VAV3: variants seen among roughly 807,000 people sequenced by gnomAD.
VAV3 encodes vav guanine nucleotide exchange factor 3.
In VAV3, 94 loss-of-function variants were observed where a neutral mutation model predicts 131.2. The observed-to-expected ratio is 0.72, with a 90% confidence interval of 0.61 to 0.85. The LOEUF (loss-of-function observed/expected upper bound fraction) is 0.85. Ranked by LOEUF, VAV3 falls within the 40% of genes least tolerant of loss-of-function variation. The probability of loss-of-function intolerance (pLI) is 0.00; values close to 1 mark genes in which losing one functional copy is unlikely to be tolerated. For synonymous variants in VAV3, 349 were observed against 342.0 expected, an observed-to-expected ratio of 1.02 and a Z score of -0.22; for missense variants, 939 against 1,002.7, an observed-to-expected ratio of 0.94 and a Z score of 0.86.
At chr1:107,932,092 C>T (rs1168479932) in intron 1 of VAV3, among the ~76,000 whole-genome samples, 2 of 152,220 alleles carry the variant, frequency 1.3e-5, no homozygotes, top group East Asian at 1.9e-4. Flanking sequence ...GGTGCCCACA[C>T]TTGTGTTTTC....
chr1:107,743,325 A>C (rs954010235), intron 15 of VAV3, among the ~76,000 whole-genome samples: 1 of 152,082 alleles, frequency 6.6e-6, no homozygotes, highest in Non-Finnish European at 1.5e-5. Context: ...GGCAAGGGAG[A>C]GTTCAGGCAG....
intron 1 of VAV3, among the ~76,000 whole-genome samples, chr1:107,937,670 C>A (rs1339732983): frequency 6.6e-6 from 1 of 152,040 alleles, no homozygotes; most frequent in Non-Finnish European, 1.5e-5. Context: ...GTCATTACAG[C>A]CAAAAAGCCC....
At chr1:107,761,392 CAAA>C (rs35391183) in intron 9 of VAV3, among the ~76,000 whole-genome samples, 9 of 102,488 alleles carry the variant, frequency 8.8e-5, no homozygotes, top group Non-Finnish European at 1.0e-4. Flanking sequence ...GACTCCGTCT[CAAA>C]AAAAAAAAAA....
intron 2 of VAV3, among the ~76,000 whole-genome samples, chr1:107,794,231 C>A (rs1381306065): frequency 6.6e-6 from 1 of 152,182 alleles, no homozygotes; most frequent in Non-Finnish European, 1.5e-5. Flanking sequence ...CTGGGCTGGC[C>A]CAGGAGTAGC....
At chr1:107,930,335 A>T (rs77068826) in intron 1 of VAV3, among the ~76,000 whole-genome samples, 24 of 152,210 alleles carry the variant, frequency 1.6e-4, no homozygotes, top group African/African-American at 5.8e-4. Context: ...AAACTAAAAA[A>T]TTTTTTTAAA....
intron 2 of VAV3, among the ~76,000 whole-genome samples, chr1:107,857,729 A>G (rs2100975174): frequency 6.6e-6 from 1 of 152,294 alleles, no homozygotes; most frequent in African/African-American, 2.4e-5. Context: ...GGGGGAAGTT[A>G]TCGACTGACT....
intron 1 of VAV3, among the ~76,000 whole-genome samples, chr1:107,910,995 A>G (rs890186986): frequency 6.6e-6 from 1 of 151,856 alleles, no homozygotes; most frequent in Non-Finnish European, 1.5e-5. Context: ...TTAAAAGAAA[A>G]AAAAAAGAAA....
chr1:107,770,675 T>A lies in VAV3; in HGVS notation c.609A>T (p.Thr203=), dbSNP rs760863760. ...CCAAAGTTTCTGTATATTTTTCTTC[T>A]GTCTGCTTAATTTCTGCTAGACAAC... is the stretch of plus-strand genomic sequence containing the variant. ...RSCCLAEIKQ[T]EEKYTETLES... The change falls in exon 6 of 27, where the codon ACA becomes ACT. Residue 203 remains threonine, a synonymous_variant. Coordinates refer to ENST00000370056, the MANE Select transcript of VAV3 (RefSeq NM_006113.5). 6.2e-7 allele frequency: 1 copy of A among 1,612,534 alleles called. No homozygotes were observed. Among genetic ancestry groups the A allele is most frequent in the Non-Finnish European group, 8.5e-7 (1 of 1,179,346 alleles).
intron 2 of VAV3, among the ~76,000 whole-genome samples, chr1:107,850,948 A>T (rs555330199): frequency 6.6e-6 from 1 of 152,058 alleles, no homozygotes; most frequent in Non-Finnish European, 1.5e-5. Flanking sequence ...ATTGCCCTCC[A>T]CAGCAACAGA....
At chr1:107,914,114 CTTA>C (rs1271794826) in intron 1 of VAV3, among the ~76,000 whole-genome samples, 1 of 152,124 alleles carries the variant, frequency 6.6e-6, no homozygotes, top group African/African-American at 2.4e-5. Context: ...CTGCAAATGT[CTTA>C]TTGTTTATAT....
intron 1 of VAV3, among the ~76,000 whole-genome samples, chr1:107,934,434 C>T (rs1218455349): frequency 6.6e-6 from 1 of 152,190 alleles, no homozygotes; most frequent in African/African-American, 2.4e-5. Flanking sequence ...CAGAACAAAA[C>T]AGGCTATGTG....
At chr1:107,574,234 C>T (rs374439941) in intron 25 of VAV3, 36 bp from the exon 26 acceptor site, 3 of 1,602,796 alleles carry the variant, frequency 1.9e-6, no homozygotes, top group Non-Finnish European at 2.6e-6. Flanking sequence ...AGTAGGTTTG[C>T]AGTTCGTTAA....
chr1:107,863,312 A>G (rs1669829467), intron 2 of VAV3, among the ~76,000 whole-genome samples: 1 of 152,124 alleles, frequency 6.6e-6, no homozygotes, highest in Non-Finnish European at 1.5e-5. Context: ...ATCATTTTTT[A>G]ACCAGACTGC....
chr1:107,875,506 T>A (rs139720055), intron 1 of VAV3, among the ~76,000 whole-genome samples: 1 of 152,050 alleles, frequency 6.6e-6, no homozygotes, highest in African/African-American at 2.4e-5. Context: ...TAAAGAAGTG[T>A]TCCATACCAA....
At chr1:107,939,555 A>G (rs1347332491) in intron 1 of VAV3, among the ~76,000 whole-genome samples, 1 of 152,174 alleles carries the variant, frequency 6.6e-6, no homozygotes, top group African/African-American at 2.4e-5. Flanking sequence ...TTTTGGATAT[A>G]GTGTTTTTTG....
chr1:107,642,804 G>A, intron 19 of VAV3, 49 bp from the exon 20 acceptor site: 2 of 1,610,430 alleles, frequency 1.2e-6, no homozygotes, highest in Non-Finnish European at 1.7e-6. Context: ...AATGATGCAT[G>A]AAGTCTACAT....
chr1:107,639,478 T>TA (rs1203354843), intron 20 of VAV3, among the ~76,000 whole-genome samples: 2 of 151,726 alleles, frequency 1.3e-5, no homozygotes, highest in South Asian at 2.1e-4. Flanking sequence ...AGCCAAATAA[T>TA]AAAAAAATGC....
At chr1:107,882,912 A>C (rs1457827476) in intron 1 of VAV3, among the ~76,000 whole-genome samples, 1 of 152,186 alleles carries the variant, frequency 6.6e-6, no homozygotes, top group Non-Finnish European at 1.5e-5. Context: ...ATCACAGTAA[A>C]TGATGACCCT....
At chr1:107,814,946 T>C (rs532332793) in intron 2 of VAV3, among the ~76,000 whole-genome samples, 19 of 152,280 alleles carry the variant, frequency 1.2e-4, no homozygotes, top group Admixed American at 2.6e-4. Flanking sequence ...GCCTGATTTA[T>C]AAGCATCAAT....
Sources: gnomAD v4.1 joint callset for allele counts (sites outside exome capture counted in the v4.1 genomes callset) on GRCh38, gnomAD v4.1.1 for gene constraint, MANE v1.5 for transcripts, NCBI Gene and HGNC (gene_info 2026-07-23, HGNC 2026-07-21) for gene names.